Variants in THADA observed in about 807,000 individuals in gnomAD.
THADA encodes the protein THADA armadillo repeat containing, also known as tRNA (32-2'-O)-methyltransferase regulator THADA.
A neutral mutation model predicts 219.8 loss-of-function variants in THADA; 213 were observed. The observed-to-expected ratio is 0.97, with a 90% CI of 0.87 to 1.09. The LOEUF (loss-of-function observed/expected upper bound fraction) is 1.09. THADA is among the 50% of genes least tolerant of loss of function. The probability of loss-of-function intolerance (pLI) is 0.00; values close to 1 mark genes in which losing one functional copy is unlikely to be tolerated. For synonymous variants in THADA, 1,018 were observed against 828.9 expected (o/e 1.23, Z -3.92); for missense variants, 2,956 against 2,311.3 (o/e 1.28, Z -5.72).
intron 25 of THADA, among the ~76,000 whole-genome samples, chr2:43,497,822 T>C (rs544425182): frequency 6.6e-6 from 1 of 151,794 alleles, no homozygotes; most frequent in Middle Eastern, 3.4e-3. Context: ...GAAGCAGAGG[T>C]TGCAGTGAGC....
chr2:43,402,372 G>C (rs542746228), intron 28 of THADA, among the ~76,000 whole-genome samples: 1 of 152,298 alleles, frequency 6.6e-6, no homozygotes, highest in East Asian at 1.9e-4. Flanking sequence ...ATCTTCAAAT[G>C]AGGGTGAAAT....
intron 26 of THADA, among the ~76,000 whole-genome samples, chr2:43,476,752 T>C (rs181357355): frequency 6.6e-6 from 1 of 152,162 alleles, no homozygotes; most frequent in Non-Finnish European, 1.5e-5. Context: ...TATATCACAG[T>C]CATGCAAGTT....
At chr2:43,407,360 T>C (rs1675691899) in intron 28 of THADA, among the ~76,000 whole-genome samples, 1 of 152,210 alleles carries the variant, frequency 6.6e-6, no homozygotes, top group Non-Finnish European at 1.5e-5. Context: ...AATGCTTTTA[T>C]TGACATTAAA....
At chr2:43,501,190 C>T (rs920950490) in intron 24 of THADA, among the ~76,000 whole-genome samples, 7 of 151,136 alleles carry the variant, frequency 4.6e-5, no homozygotes, top group Middle Eastern at 3.4e-3. Context: ...CCTGTAATCC[C>T]GGCTACTCAG....
chr2:43,505,588 C>G lies in THADA; in HGVS notation c.3621+34G>C, dbSNP rs747436206. 9 of 1,445,680 alleles carry G rather than the reference C, an allele frequency of 6.2e-6. No homozygotes were observed. In the African/African-American group the frequency reaches 8.5e-5, roughly 14 times the overall value. 89.6% of individuals were successfully genotyped at this position (1,445,680 alleles called of 1,614,324 possible). A position where few individuals can be genotyped will look rare whatever the true frequency, so the allele number is the denominator to read the frequency against. On this transcript the variant is annotated intron_variant, in intron 24 of 37. Transcript: ENST00000405975. ...GTGAAAAACAAAACAAAACAAAAAA[C>G]AACACTGGAGGGTTTGTGTATTTCC...
chr2:43,463,807 A>G (rs1683918941), intron 26 of THADA, among the ~76,000 whole-genome samples: 1 of 152,200 alleles, frequency 6.6e-6, no homozygotes, highest in South Asian at 2.1e-4. Flanking sequence ...TTCTTCCAAT[A>G]ACTAAAGTAT....
intron 36 of THADA, among the ~76,000 whole-genome samples, chr2:43,258,498 G>C (rs1436239671): frequency 6.6e-6 from 1 of 151,982 alleles, no homozygotes; most frequent in Non-Finnish European, 1.5e-5. Flanking sequence ...CTCCAGCCCA[G>C]GCAACAAGAG....
chr2:43,587,235 CAG>C (rs1701122375), intron 4 of THADA, among the ~76,000 whole-genome samples: 1 of 152,174 alleles, frequency 6.6e-6, no homozygotes, highest in South Asian at 2.1e-4. Flanking sequence ...ACAGAACAGG[CAG>C]AGTGACACCG....
chr2:43,432,581 C>T (rs910276019), intron 26 of THADA, among the ~76,000 whole-genome samples: 2 of 151,970 alleles, frequency 1.3e-5, no homozygotes, highest in Non-Finnish European at 2.9e-5. Flanking sequence ...ACATGTCTAA[C>T]CATTTAGGAA....
At chr2:43,549,065 C>T in intron 20 of THADA, 145 bp downstream of exon 20, 1 of 811,620 alleles carries the variant, frequency 1.2e-6, no homozygotes. Context: ...CAAATCTTTC[C>T]CAAAACAAAA....
intron 29 of THADA, among the ~76,000 whole-genome samples, chr2:43,383,438 T>A (rs1034811843): frequency 2.0e-5 from 3 of 152,178 alleles, no homozygotes; most frequent in African/African-American, 7.2e-5. Context: ...TAAGCTAACA[T>A]ACCAGATAAT....
chr2:43,528,479 T>C (rs557985603), intron 21 of THADA, among the ~76,000 whole-genome samples: 2 of 152,206 alleles, frequency 1.3e-5, no homozygotes, highest in South Asian at 4.1e-4. Context: ...TCACAGTAAT[T>C]CCATGAAATA....
chr2:43,335,417 A>G (rs943232414), intron 30 of THADA, among the ~76,000 whole-genome samples: 2 of 152,208 alleles, frequency 1.3e-5, no homozygotes, highest in South Asian at 4.1e-4. Flanking sequence ...TGTGGGCTGT[A>G]GTACTCCACA....
intron 31 of THADA, among the ~76,000 whole-genome samples, chr2:43,297,861 C>G (rs1283484006): frequency 8.6e-6 from 1 of 116,332 alleles, no homozygotes; most frequent in Non-Finnish European, 1.7e-5. Context: ...GCCGCCCCGT[C>G]CGGGAGGTGA....
At chr2:43,306,488 A>T (rs925414578) in intron 31 of THADA, among the ~76,000 whole-genome samples, 1 of 152,176 alleles carries the variant, frequency 6.6e-6, no homozygotes, top group Non-Finnish European at 1.5e-5. Context: ...AACTGGGAAG[A>T]TTCCTTTACA....
At chr2:43,571,561 C>G in intron 13 of THADA, 146 bp downstream of exon 13, 2 of 676,390 alleles carry the variant, frequency 3.0e-6, no homozygotes, top group Non-Finnish European at 2.4e-6. Flanking sequence ...AATGAGAGAA[C>G]AGGTCACAGA....
At chr2:43,578,701 T>A in intron 8 of THADA, 94 bp from the exon 9 acceptor site, 1 of 770,332 alleles carries the variant, frequency 1.3e-6, no homozygotes, top group Non-Finnish European at 2.0e-6. Flanking sequence ...TAGGCCTGGG[T>A]ACAATTTCTA....
chr2:43,554,985 T>C (rs1168531171), intron 17 of THADA, among the ~76,000 whole-genome samples: 1 of 152,198 alleles, frequency 6.6e-6, no homozygotes, highest in East Asian at 1.9e-4. Context: ...GAGTGTCATG[T>C]TGGTACTCAA....
chr2:43,556,245 T>TA (rs1322188652), intron 17 of THADA, 100 bp downstream of exon 17: 22 of 1,522,820 alleles, frequency 1.4e-5, no homozygotes, highest in East Asian at 6.8e-5. Context: ...AACTTTTAAA[T>TA]AAAAAACCAC....
Sources: allele counts gnomAD v4.1 joint callset (sites outside exome capture counted in the v4.1 genomes callset), GRCh38; gene constraint gnomAD v4.1.1; transcripts MANE v1.5; gene names NCBI Gene and HGNC (gene_info 2026-07-23, HGNC 2026-07-21).